LRP1B: variants seen among roughly 807,000 people sequenced by gnomAD.
LRP1B encodes low-density lipoprotein receptor-related protein 1B.
A neutral mutation model predicts 556.6 loss-of-function variants in LRP1B; 217 were observed. The observed-to-expected ratio is 0.39, with a 90% CI of 0.35 to 0.44. The LOEUF (loss-of-function observed/expected upper bound fraction) is 0.44, where lower values mean the gene tolerates loss of function less well. LRP1B is among the 20% of genes least tolerant of loss of function. The pLI is 1.00. For synonymous variants in LRP1B, 2,047 were observed against 1,865.8 expected (o/e 1.10, Z -2.50); for missense variants, 5,053 against 5,620.8 (o/e 0.90, Z 3.23).
chr2:140,869,828 C>T (rs1349124340), intron 25 of LRP1B, among the ~76,000 whole-genome samples: 1 of 152,012 alleles, frequency 6.6e-6, no homozygotes, highest in Non-Finnish European at 1.5e-5. Flanking sequence ...GAACAAATTT[C>T]AGGAGCTTAA....
chr2:140,669,787 AATTGTTTAG>A (rs1189504220), intron 41 of LRP1B, among the ~76,000 whole-genome samples: 4 of 152,090 alleles, frequency 2.6e-5, no homozygotes, highest in Non-Finnish European at 5.9e-5. Context: ...TTGTCCTAAA[AATTGTTTAG>A]ATTGTTTCGA....
chr2:140,671,981 T>C (rs1462556588), intron 41 of LRP1B, among the ~76,000 whole-genome samples: 1 of 152,146 alleles, frequency 6.6e-6, no homozygotes, highest in African/African-American at 2.4e-5. Flanking sequence ...AAATCTCTTC[T>C]AATCTCATAA....
At chr2:140,760,579 G>A (rs1248110731) in intron 35 of LRP1B, among the ~76,000 whole-genome samples, 1 of 152,138 alleles carries the variant, frequency 6.6e-6, no homozygotes, top group Admixed American at 6.6e-5. Context: ...TAAAATTGTT[G>A]TTGTTGCTGT....
At chr2:141,066,709 G>A (rs374495489) in intron 7 of LRP1B, among the ~76,000 whole-genome samples, 4 of 151,712 alleles carry the variant, frequency 2.6e-5, no homozygotes, top group South Asian at 4.1e-4. Flanking sequence ...ACTTACTGAC[G>A]GAATTTAGAA....
intron 3 of LRP1B, among the ~76,000 whole-genome samples, chr2:141,360,410 G>T (rs1406193186): frequency 5.9e-5 from 9 of 152,186 alleles, no homozygotes; most frequent in African/African-American, 1.9e-4. Flanking sequence ...TATGTGAATT[G>T]ATACTTTTGT....
intron 2 of LRP1B, among the ~76,000 whole-genome samples, chr2:141,716,379 G>A (rs1692586539): frequency 1.3e-5 from 2 of 152,098 alleles, no homozygotes; most frequent in South Asian, 4.1e-4. Flanking sequence ...GAGAGTCACG[G>A]ATGCTAGTGT....
chr2:141,544,311 T>TTCTTCC (rs1559130836), intron 2 of LRP1B, among the ~76,000 whole-genome samples: 4 of 15,716 alleles, frequency 2.5e-4, no homozygotes, highest in African/African-American at 1.6e-3. Flanking sequence ...CTTCTTCTTC[T>TTCTTCC]TCTTCTTCTT....
intron 79 of LRP1B, among the ~76,000 whole-genome samples, chr2:140,332,480 T>C (rs918519953): frequency 6.6e-6 from 1 of 152,054 alleles, no homozygotes; most frequent in Non-Finnish European, 1.5e-5. Context: ...CAGATCTCCT[T>C]TACTAAACAG....
chr2:140,619,795 A>G (rs1683388802), intron 41 of LRP1B, among the ~76,000 whole-genome samples: 1 of 152,202 alleles, frequency 6.6e-6, no homozygotes, highest in Admixed American at 6.5e-5. Context: ...TCTTTCTATC[A>G]CTTTACAGAA....
chr2:140,889,721 G>T (rs1261843473), intron 23 of LRP1B, among the ~76,000 whole-genome samples: 2 of 152,126 alleles, frequency 1.3e-5, no homozygotes, highest in Non-Finnish European at 2.9e-5. Context: ...TAACCACCAT[G>T]CCAAAGTCAC....
chr2:141,187,745 T>A (rs1461963024), intron 7 of LRP1B, among the ~76,000 whole-genome samples: 1 of 151,990 alleles, frequency 6.6e-6, no homozygotes, highest in Non-Finnish European at 1.5e-5. Context: ...TATATTTTTA[T>A]AAATTATGAA....
intron 11 of LRP1B, among the ~76,000 whole-genome samples, chr2:141,037,470 A>AT (rs569965936): frequency 3.3e-5 from 5 of 151,770 alleles, no homozygotes; most frequent in East Asian, 1.9e-4. Context: ...TCTTCAGTTG[A>AT]TTTTTTTTCC....
chr2:141,539,135 C>A (rs77364942), intron 2 of LRP1B, among the ~76,000 whole-genome samples: 3,889 of 152,154 alleles, frequency 0.026, 77 homozygotes, highest in Non-Finnish European at 0.034. Context: ...ACCAACATTC[C>A]TGAATTGAAC....
intron 7 of LRP1B, among the ~76,000 whole-genome samples, chr2:141,127,886 C>G (rs1461965376): frequency 6.6e-6 from 1 of 152,158 alleles, no homozygotes; most frequent in African/African-American, 2.4e-5. Flanking sequence ...TGAGATAGTC[C>G]TATTCAAAGC....
At chr2:141,796,298 C>A (rs13415681) in intron 2 of LRP1B, among the ~76,000 whole-genome samples, 1 of 151,948 alleles carries the variant, frequency 6.6e-6, no homozygotes, top group African/African-American at 2.4e-5. Flanking sequence ...TGCAGAAATT[C>A]AACATTCATA....
chr2:141,458,248 T>C (rs1559080994), intron 3 of LRP1B, among the ~76,000 whole-genome samples: 1 of 152,192 alleles, frequency 6.6e-6, no homozygotes, highest in Non-Finnish European at 1.5e-5. Flanking sequence ...AGACAATATG[T>C]GTTTTGAAGT....
intron 66 of LRP1B, among the ~76,000 whole-genome samples, chr2:140,407,868 C>G (rs1684811370): frequency 6.6e-6 from 1 of 152,000 alleles, no homozygotes; most frequent in Non-Finnish European, 1.5e-5. Context: ...ATGAAAAAGA[C>G]ACATGCACAT....
rs529076512 is a variant in LRP1B at position 140,485,330 on chromosome 2, A to T, written c.9425+13T>A. The T allele has an allele frequency of 6.3e-7, 1 of 1,599,718 alleles. No homozygotes were observed. Among genetic ancestry groups the T allele is most frequent in the Non-Finnish European group, 8.5e-7 (1 of 1,173,898 alleles). On this transcript the variant is annotated intron_variant, in intron 59 of 90. Transcript: ENST00000389484. ...AGTCTTAAACTTTAAGATTTTTAAC[A>T]GTTTTTACAAACCCAGCTTGAGGAT...
chr2:140,504,545 A>G (rs528826224), intron 53 of LRP1B, among the ~76,000 whole-genome samples: 93 of 152,322 alleles, frequency 6.1e-4, no homozygotes, highest in African/African-American at 2.1e-3. Context: ...GAATTAAATT[A>G]TCACACAGTC....
Sources: allele counts gnomAD v4.1 joint callset (sites outside exome capture counted in the v4.1 genomes callset), GRCh38; gene constraint gnomAD v4.1.1; transcripts MANE v1.5; gene names NCBI Gene and HGNC (gene_info 2026-07-23, HGNC 2026-07-21).